SRBD1: variants seen among roughly 807,000 people sequenced by gnomAD.
The protein encoded by SRBD1 is S1 RNA-binding domain-containing protein 1.
Under a neutral mutation model 115.3 loss-of-function variants are expected in SRBD1, and 88 were observed. The observed-to-expected ratio is 0.76, with a 90% CI of 0.64 to 0.91. The LOEUF (loss-of-function observed/expected upper bound fraction) is 0.91. SRBD1 is among the 40% of genes least tolerant of loss of function. The probability of loss-of-function intolerance (pLI) is 0.00; values close to 1 mark genes in which losing one functional copy is unlikely to be tolerated. For synonymous variants in SRBD1, 509 were observed against 407.7 expected (o/e 1.25, Z -2.99); for missense variants, 1,385 against 1,177.4 (o/e 1.18, Z -2.58).
rs988533515 is a variant in SRBD1, at chr2:45,488,192, C to A, written c.1966+48G>T. On this transcript the variant is annotated intron_variant, in intron 15 of 20. Coordinates refer to ENST00000263736, the MANE Select transcript of SRBD1 (RefSeq NM_018079.5). ...ATATTTAGCATGCCACACATGCTGC[C>A]CAAAATATCAAAATCACATGTTTTT... The A allele has an allele frequency of 2.6e-6, 4 of 1,537,208 alleles. No homozygotes were observed. The Admixed American group carries it at 6.7e-5, about 26-fold the overall frequency.
At position 45,488,396 on chromosome 2, in the gene SRBD1, G is replaced by A. The variant is rs573543368; in HGVS notation, c.1875-65C>T. 1.7e-5 allele frequency: 24 copies of A among 1,409,932 alleles called. No homozygotes were observed. In the East Asian group the frequency reaches 4.0e-4, roughly 23 times the overall value. 87.3% of individuals were successfully genotyped at this position (1,409,932 alleles called of 1,614,324 possible). A position where few individuals can be genotyped will look rare whatever the true frequency, so the allele number is the denominator to read the frequency against. On this transcript the variant is annotated intron_variant, in intron 14 of 20. Coordinates refer to ENST00000263736, the MANE Select transcript of SRBD1 (RefSeq NM_018079.5). ...TCCTGCCTGGTCAAAGAAAATAAATGAATGAAACCAGGCATTACCAGAAAA... is the reference window on the plus strand; with the variant it reads ...TCCTGCCTGGTCAAAGAAAATAAATAAATGAAACCAGGCATTACCAGAAAA...
intron 16 of SRBD1, among the ~76,000 whole-genome samples, chr2:45,429,221 AGAG>A (rs1668256894): frequency 1.3e-5 from 2 of 152,204 alleles, no homozygotes. Flanking sequence ...AGAGGTACAA[AGAG>A]GAGGCAGTAC....
intron 16 of SRBD1, among the ~76,000 whole-genome samples, chr2:45,434,511 T>C (rs1668431441): frequency 6.6e-6 from 1 of 152,222 alleles, no homozygotes; most frequent in Admixed American, 6.5e-5. Context: ...CAGTTTATTC[T>C]GTCAAGGATC....
chr2:45,528,653 C>T (rs188438040), intron 14 of SRBD1, among the ~76,000 whole-genome samples: 1 of 151,640 alleles, frequency 6.6e-6, no homozygotes, highest in Non-Finnish European at 1.5e-5. Flanking sequence ...TTAGAACCCA[C>T]AAGATGCAAA....
chr2:45,605,333 C>G (rs769686461), intron 2 of SRBD1, 29 bp downstream of exon 2: 2 of 1,581,908 alleles, frequency 1.3e-6, no homozygotes, highest in Non-Finnish European at 1.7e-6. Flanking sequence ...CATCATTCCC[C>G]TACCCACATA....
chr2:45,493,055 C>G (rs2103869067), intron 14 of SRBD1, among the ~76,000 whole-genome samples: 1 of 152,302 alleles, frequency 6.6e-6, no homozygotes, highest in East Asian at 1.9e-4. Context: ...CTACAAATAT[C>G]TAGCATCTTC....
intron 3 of SRBD1, 117 bp from the exon 4 acceptor site, chr2:45,599,952 C>G: frequency 8.3e-7 from 1 of 1,210,234 alleles, no homozygotes; most frequent in East Asian, 2.5e-5. Flanking sequence ...TTGGAAGAAT[C>G]TCAAGTAAAT....
chr2:45,598,568 G>A (rs1470072693), intron 4 of SRBD1, among the ~76,000 whole-genome samples: 1 of 151,400 alleles, frequency 6.6e-6, no homozygotes, highest in African/African-American at 2.4e-5. Flanking sequence ...GAGCACCACT[G>A]CATTCTAGCC....
chr2:45,422,336 AT>A (rs1668030551), intron 16 of SRBD1, among the ~76,000 whole-genome samples: 1 of 152,194 alleles, frequency 6.6e-6, no homozygotes, highest in African/African-American at 2.4e-5. Flanking sequence ...TCTAGCATTT[AT>A]CCCATTTCTG....
rs148065063 is a variant in SRBD1, at chr2:45,609,653, C to T, written c.-1+1566G>A. On this transcript the variant is annotated intron_variant, in intron 1 of 20. Coordinates refer to ENST00000263736, the MANE Select transcript of SRBD1 (RefSeq NM_018079.5). The stretch of plus-strand genomic sequence containing the variant: ...CTCAGCTCTTGTCATAACATTCTTT[C>T]CCACCTCAGGTACTCTCTGCCTGGA... Among the ~76,000 whole-genome samples the T allele has an allele frequency of 2.7e-3, 415 of 152,276 alleles. 1 individual carries two copies. The highest frequency in any genetic ancestry group is 6.8e-3 in the Middle Eastern group (2 of 294).
intron 14 of SRBD1, among the ~76,000 whole-genome samples, chr2:45,537,715 T>C (rs1253097021): frequency 6.6e-6 from 1 of 152,172 alleles, no homozygotes; most frequent in Non-Finnish European, 1.5e-5. Flanking sequence ...TCTCTCAACA[T>C]TTCACATAGA....
intron 9 of SRBD1, among the ~76,000 whole-genome samples, chr2:45,565,424 T>C (rs1672795538): frequency 6.6e-6 from 1 of 152,158 alleles, no homozygotes; most frequent in Non-Finnish European, 1.5e-5. Flanking sequence ...ACTCACCACA[T>C]GCAAAAGAAC....
At chr2:45,499,042 C>A (rs1012551954) in intron 14 of SRBD1, among the ~76,000 whole-genome samples, 2 of 152,040 alleles carry the variant, frequency 1.3e-5, no homozygotes, top group Non-Finnish European at 2.9e-5. Flanking sequence ...TATGGCAGTT[C>A]TATTTTTAGT....
At chr2:45,575,210 G>A (rs1216352100) in intron 7 of SRBD1, among the ~76,000 whole-genome samples, 2 of 152,094 alleles carry the variant, frequency 1.3e-5, no homozygotes, top group Non-Finnish European at 2.9e-5. Flanking sequence ...TGGATTATGG[G>A]GCATTTTTTC....
intron 16 of SRBD1, among the ~76,000 whole-genome samples, chr2:45,426,538 C>A (rs1668160906): frequency 6.6e-6 from 1 of 152,180 alleles, no homozygotes; most frequent in Admixed American, 6.5e-5. Context: ...GTTCCTGACC[C>A]CCATGCCTCC....
At chr2:45,548,950 G>A (rs1672206167) in intron 12 of SRBD1, 1 of 152,144 alleles carries the variant, frequency 6.6e-6, no homozygotes, top group Non-Finnish European at 1.5e-5. Context: ...AATATATGAT[G>A]GAACTGAGAA....
chr2:45,414,746 G>GTACA lies in SRBD1; in HGVS notation c.2334-1457_2334-1454dup, dbSNP rs1553384147. ...CACACACACAGTGTGTATATAGTAT[G>GTACA]TACACACACACAGTGTGTATATAGT... is the stretch of plus-strand genomic sequence containing the variant. On this transcript the variant is annotated intron_variant, in intron 18 of 20. Coordinates refer to ENST00000263736, the MANE Select transcript of SRBD1 (RefSeq NM_018079.5). Among the ~76,000 whole-genome samples the GTACA allele has an allele frequency of 4.8e-4, 54 of 113,224 alleles. 1 individual carries two copies. The South Asian group carries it at 4.8e-3, about 10-fold the overall frequency. 74.3% of individuals were successfully genotyped at this position (113,224 alleles called of 152,430 possible). A position where few individuals can be genotyped will look rare whatever the true frequency, so the allele number is the denominator to read the frequency against.
intron 11 of SRBD1, among the ~76,000 whole-genome samples, chr2:45,553,018 G>A (rs1672351926): frequency 6.6e-6 from 1 of 152,112 alleles, no homozygotes; most frequent in African/African-American, 2.4e-5. Context: ...AATGAATTAG[G>A]GAATGTCTAG....
chr2:45,440,621 G>C (rs1668637621), intron 16 of SRBD1, among the ~76,000 whole-genome samples: 1 of 152,194 alleles, frequency 6.6e-6, no homozygotes, highest in Non-Finnish European at 1.5e-5. Context: ...ATACAAAGGA[G>C]TTGACATTTC....
Sources: gnomAD v4.1 joint callset for allele counts (sites outside exome capture counted in the v4.1 genomes callset) on GRCh38, gnomAD v4.1.1 for gene constraint, MANE v1.5 for transcripts, NCBI Gene and HGNC (gene_info 2026-07-23, HGNC 2026-07-21) for gene names.